The following GREB1L variants were observed in gnomAD, a reference collection of about 807,000 sequenced individuals.
GREB1L encodes GREB1 like retinoic acid receptor coactivator.
GREB1L carries 17 observed loss-of-function variants against 200.8 expected under a neutral mutation model. The ratio of observed to expected loss-of-function variants is 0.08; its 90% CI spans 0.06 to 0.13. The LOEUF is 0.13. Ranked by LOEUF, GREB1L falls within the 10% of genes least tolerant of loss-of-function variation. The pLI is 1.00. For synonymous variants in GREB1L, 789 were observed against 893.0 expected (o/e 0.88, Z 2.08); for missense variants, 1,657 against 2,367.7 (o/e 0.70, Z 6.23).
At chr18:21,273,587 T>G (rs2038113616) in intron 1 of GREB1L, among the ~76,000 whole-genome samples, 1 of 152,238 alleles carries the variant, frequency 6.6e-6, no homozygotes, top group Non-Finnish European at 1.5e-5. Context: ...AATGATTTTA[T>G]TCGTTGGGAT....
intron 1 of GREB1L, among the ~76,000 whole-genome samples, chr18:21,246,424 C>G (rs924339600): frequency 6.6e-6 from 1 of 152,082 alleles, no homozygotes; most frequent in African/African-American, 2.4e-5. Context: ...CTTATGTTAT[C>G]TTAAAACATA....
chr18:21,248,309 G>A (rs2037640936), intron 1 of GREB1L, among the ~76,000 whole-genome samples: 4 of 152,104 alleles, frequency 2.6e-5, no homozygotes, highest in Non-Finnish European at 5.9e-5. Flanking sequence ...CTGTTGCTAG[G>A]CCATTTGATT....
chr18:21,353,181 CAA>C (rs1236564333), intron 1 of GREB1L, among the ~76,000 whole-genome samples: 10 of 105,710 alleles, frequency 9.5e-5, no homozygotes, highest in Non-Finnish European at 5.7e-5. Flanking sequence ...GACTCTGTCT[CAA>C]AAAAAAAAAA....
At chr18:21,307,258 G>A (rs575836575) in intron 1 of GREB1L, among the ~76,000 whole-genome samples, 2 of 152,292 alleles carry the variant, frequency 1.3e-5, no homozygotes, top group East Asian at 3.9e-4. Context: ...GTTACATGCA[G>A]CAGTTACCAT....
At chr18:21,258,791 A>T (rs76074497) in intron 1 of GREB1L, among the ~76,000 whole-genome samples, 2,252 of 152,288 alleles carry the variant, frequency 0.015, 59 homozygotes, top group African/African-American at 0.051. Flanking sequence ...TGATCATCAA[A>T]TTTACTTACT....
chr18:21,340,504 G>A (rs2039253329), intron 1 of GREB1L, among the ~76,000 whole-genome samples: 1 of 151,926 alleles, frequency 6.6e-6, no homozygotes, highest in Non-Finnish European at 1.5e-5. Flanking sequence ...ACTTATGAGT[G>A]TGGTAATTTT....
chr18:21,427,288 G>C lies in GREB1L; in HGVS notation c.833-12233G>C, dbSNP rs375820617. The stretch of plus-strand genomic sequence containing the variant: ...GGAGGCTGAGGCAGGCTGATCTCTT[G>C]AGCTCAGGAGTTCAAGAGCAGCCTG... On this transcript the variant is annotated intron_variant, in intron 7 of 32. Transcript: ENST00000424526. Among the ~76,000 whole-genome samples the C allele has an allele frequency of 5.6e-4, 85 of 151,964 alleles. 1 individual carries two copies. The highest frequency in any genetic ancestry group is 2.0e-3 in the African/African-American group (83 of 41,430).
intron 18 of GREB1L, among the ~76,000 whole-genome samples, 200 bp from the exon 19 acceptor site, chr18:21,489,812 C>T (rs2036260317): frequency 6.6e-6 from 1 of 152,182 alleles, no homozygotes; most frequent in Admixed American, 6.5e-5. Flanking sequence ...CTTATCCCAA[C>T]AGGTTGATTC....
At chr18:21,418,827 G>C (rs950268271) in intron 7 of GREB1L, among the ~76,000 whole-genome samples, 6 of 152,054 alleles carry the variant, frequency 3.9e-5, no homozygotes, top group Non-Finnish European at 7.4e-5. Context: ...GCCTGGCCTG[G>C]TTTTGTTTTT....
chr18:21,396,828 A>G (rs2041085523), intron 5 of GREB1L, among the ~76,000 whole-genome samples: 1 of 152,216 alleles, frequency 6.6e-6, no homozygotes, highest in Non-Finnish European at 1.5e-5. Context: ...TTTATTTTAA[A>G]TAATTAAAAA....
At chr18:21,395,105 CAAAAAAA>C (rs372663303) in intron 4 of GREB1L, among the ~76,000 whole-genome samples, 2 of 64,064 alleles carry the variant, frequency 3.1e-5, no homozygotes, top group Non-Finnish European at 6.8e-5. Context: ...GACTCCATCT[CAAAAAAA>C]AAAAAAAAAA....
chr18:21,468,216 A>C (rs1299225075), intron 15 of GREB1L, among the ~76,000 whole-genome samples: 4 of 152,160 alleles, frequency 2.6e-5, no homozygotes, highest in African/African-American at 9.7e-5. Context: ...AAGAGAAATA[A>C]AGTATTGATG....
chr18:21,383,167 G>A (rs1275211983), intron 2 of GREB1L, among the ~76,000 whole-genome samples: 3 of 152,064 alleles, frequency 2.0e-5, no homozygotes, highest in African/African-American at 7.2e-5. Flanking sequence ...CTCCTATAAA[G>A]GTGATATGGC....
At chr18:21,434,497 ATATGTGTG>A (rs1303532770) in intron 7 of GREB1L, among the ~76,000 whole-genome samples, 5 of 122,418 alleles carry the variant, frequency 4.1e-5, no homozygotes, top group African/African-American at 1.2e-4. Flanking sequence ...ATATATATAT[ATATGTGTG>A]TGTGTGTGTG....
intron 7 of GREB1L, among the ~76,000 whole-genome samples, chr18:21,437,842 AT>A (rs1304380093): frequency 6.6e-6 from 1 of 152,196 alleles, no homozygotes; most frequent in Non-Finnish European, 1.5e-5. Context: ...TTAAAAAAAT[AT>A]TTTTTAACAG....
At chr18:21,245,164 C>G (rs1299083211) in intron 1 of GREB1L, among the ~76,000 whole-genome samples, 1 of 152,072 alleles carries the variant, frequency 6.6e-6, no homozygotes, top group Non-Finnish European at 1.5e-5. Flanking sequence ...TGCGTATGGT[C>G]TAAATTAAGG....
At position 21,473,204 on chromosome 18, in the gene GREB1L, C is replaced by G; in HGVS notation, c.2356C>G (p.Leu786Val). The G allele has an allele frequency of 1.3e-6, 2 of 1,524,674 alleles. No individual in the cohort carries two copies. The highest frequency in any genetic ancestry group is 1.8e-6 in the Non-Finnish European group (2 of 1,132,090). 94.4% of individuals were successfully genotyped at this position (1,524,674 alleles called of 1,614,324 possible). ...VLVHDNSHVE[L>V]TSVISGSLSH... ...AGTTCATGACAACTCCCATGTGGAA[C>G]TAACGAGGTGATTGGTTCAGAGTGA... Residue 786 changes from leucine (L) to valine (V), a missense_variant, in exon 16 of 33, where the codon CTA (leucine) becomes GTA (valine). Coordinates refer to ENST00000424526, the MANE Select transcript of GREB1L (RefSeq NM_001142966.3).
intron 4 of GREB1L, among the ~76,000 whole-genome samples, chr18:21,385,178 C>T (rs1158766281): frequency 6.6e-6 from 1 of 151,926 alleles, no homozygotes; most frequent in Non-Finnish European, 1.5e-5. Context: ...GTTCTTATAC[C>T]CAGAATGACT....
At chr18:21,398,790 C>T (rs920277835) in intron 5 of GREB1L, among the ~76,000 whole-genome samples, 1 of 151,928 alleles carries the variant, frequency 6.6e-6, no homozygotes, top group African/African-American at 2.4e-5. Context: ...TATATTGATC[C>T]AGTTGGTAGT....
Sources: allele counts gnomAD v4.1 joint callset (sites outside exome capture counted in the v4.1 genomes callset), GRCh38; gene constraint gnomAD v4.1.1; transcripts MANE v1.5; gene names NCBI Gene and HGNC (gene_info 2026-07-23, HGNC 2026-07-21).